The following ENOX2 variants were observed in gnomAD, a reference collection of about 807,000 sequenced individuals.
The protein encoded by ENOX2 is ecto-NOX disulfide-thiol exchanger 2.
In ENOX2, 36 loss-of-function variants were observed where a neutral mutation model predicts 45.0. The ratio of observed to expected loss-of-function variants is 0.80; its 90% CI spans 0.61 to 1.06. The LOEUF (loss-of-function observed/expected upper bound fraction) is 1.06. ENOX2 is among the 50% of genes least tolerant of loss of function. The pLI is 0.00. For missense variants in ENOX2, 423 were observed against 462.5 expected, an observed-to-expected ratio of 0.91 and a Z score of 0.78; for synonymous variants, 174 against 152.3, an observed-to-expected ratio of 1.14 and a Z score of -1.05.
At chrX:130,716,583 A>G (rs2038335795) in intron 3 of ENOX2, among the ~76,000 whole-genome samples, 1 of 111,902 alleles carries the variant, frequency 8.9e-6, no homozygotes, top group African/African-American at 3.3e-5. Flanking sequence ...CTTTCTAACA[A>G]GACAAAGGCA....
chrX:130,846,701 G>C (rs1160209621), intron 2 of ENOX2, among the ~76,000 whole-genome samples: 26 of 112,675 alleles, frequency 2.3e-4, no homozygotes, highest in Non-Finnish European at 5.6e-5. Context: ...TACAAATATG[G>C]AATTTATATG....
At chrX:130,728,384 C>T (rs1430966321) in intron 3 of ENOX2, among the ~76,000 whole-genome samples, 1 of 111,198 alleles carries the variant, frequency 9.0e-6, no homozygotes, top group Non-Finnish European at 1.9e-5. Context: ...AGAAGTTCCA[C>T]AGGGCAGAAT....
chrX:130,625,093 G>T lies in ENOX2; in HGVS notation c.*221C>A. On this transcript the variant is annotated 3_prime_UTR_variant, in exon 15 of 15. Coordinates refer to ENST00000394363, the MANE Select transcript of ENOX2 (RefSeq NM_006375.4). ...TAAAGACAACCAATTGACAGAAAGGGGAGGAAGTTACAGCACTTGTGGTTT... is the reference window on the plus strand; with the variant it reads ...TAAAGACAACCAATTGACAGAAAGGTGAGGAAGTTACAGCACTTGTGGTTT... The T allele has an allele frequency of 2.8e-6, 1 of 362,895 alleles. No individual in the cohort carries two copies. Among genetic ancestry groups the T allele is most frequent in the Non-Finnish European group, 4.8e-6 (1 of 208,980 alleles). 29.9% of individuals were successfully genotyped at this position (362,895 alleles called of 1,213,427 possible).
chrX:130,703,244 A>T lies in ENOX2; in HGVS notation c.-28T>A. On this transcript the variant is annotated 5_prime_UTR_variant, in exon 4 of 15. Transcript: ENST00000394363. ...CAGTGGAATCCACGTTCAGAGTTCTACTGTTATCGGCTGAAAAGAAATGAC... is the reference window on the plus strand; with the variant it reads ...CAGTGGAATCCACGTTCAGAGTTCTTCTGTTATCGGCTGAAAAGAAATGAC... 8.4e-7 allele frequency: 1 copy of T among 1,193,390 alleles called. No homozygotes were observed.
chrX:130,667,545 C>T lies in ENOX2; in HGVS notation c.892G>A (p.Gly298Arg). The T allele has an allele frequency of 2.5e-6, 3 of 1,209,674 alleles. No homozygotes were observed. Among genetic ancestry groups the T allele is most frequent in the Non-Finnish European group, 3.4e-6 (3 of 893,780 alleles). Residue 298 changes from glycine to arginine, a missense_variant, in exon 8 of 15, where the codon GGA becomes AGA. This residue lies in a region of ENOX2 where 261 missense variants were observed against 306.8 expected (regional missense o/e 0.85). Transcript: ENST00000394363. ...TTCCACTCACATTGAATGAGAATTC[C>T]AGAAAGGGCCTGCTTGAACTTCTCC... ...AKEKFKQALS[G>R]ILIQFEQIVA...
chrX:130,679,826 G>A, intron 5 of ENOX2, 78 bp from the exon 6 acceptor site: 1 of 792,178 alleles, frequency 1.3e-6, no homozygotes, highest in Non-Finnish European at 1.9e-6. Context: ...ACATTTCCCT[G>A]CTATCCCTGT....
intron 10 of ENOX2, among the ~76,000 whole-genome samples, chrX:130,653,960 G>A (rs5975216): frequency 0.013 from 1,404 of 111,919 alleles, 21 homozygotes; most frequent in African/African-American, 0.044. Flanking sequence ...AGATTCCTCA[G>A]CCCTATTACA....
At chrX:130,666,410 TG>T (rs1260256809) in intron 8 of ENOX2, among the ~76,000 whole-genome samples, 1 of 111,637 alleles carries the variant, frequency 9.0e-6, no homozygotes, top group African/African-American at 3.3e-5. Context: ...AACAGGGAAA[TG>T]TGTGCAGATG....
chrX:130,688,128 A>G (rs1449242516), intron 5 of ENOX2, among the ~76,000 whole-genome samples: 1 of 112,350 alleles, frequency 8.9e-6, no homozygotes, highest in Non-Finnish European at 1.9e-5. Context: ...CACATGCAGA[A>G]TCAGCTTCTA....
chrX:130,744,043 C>A (rs2039044399), intron 3 of ENOX2, among the ~76,000 whole-genome samples: 1 of 111,831 alleles, frequency 8.9e-6, no homozygotes, highest in African/African-American at 3.3e-5. Context: ...CACTATGGTC[C>A]ATTGTTGACA....
intron 9 of ENOX2, among the ~76,000 whole-genome samples, chrX:130,663,453 C>T (rs2036747631): frequency 9.3e-6 from 1 of 108,039 alleles, no homozygotes; most frequent in South Asian, 4.2e-4. Flanking sequence ...ATCACTTGAA[C>T]CCAGGAGGCG....
At chrX:130,768,075 A>G (rs772591868) in intron 3 of ENOX2, among the ~76,000 whole-genome samples, 3 of 112,030 alleles carry the variant, frequency 2.7e-5, no homozygotes, top group Non-Finnish European at 3.8e-5. Context: ...ACTAAGTGAC[A>G]GTGGAGGAGG....
chrX:130,650,456 G>A (rs1464528305), intron 10 of ENOX2, among the ~76,000 whole-genome samples: 3 of 112,060 alleles, frequency 2.7e-5, no homozygotes, highest in African/African-American at 9.7e-5. Flanking sequence ...AGGGGTTTTT[G>A]TCATTTTAAT....
chrX:130,800,305 TTTTA>T (rs1219712875), intron 2 of ENOX2, among the ~76,000 whole-genome samples: 2 of 109,556 alleles, frequency 1.8e-5, no homozygotes, highest in East Asian at 2.9e-4. Context: ...ATTTAATCTT[TTTTA>T]TTTATTAGTA....
chrX:130,671,985 C>T (rs1162129611), intron 6 of ENOX2, among the ~76,000 whole-genome samples: 2 of 111,366 alleles, frequency 1.8e-5, no homozygotes, highest in African/African-American at 6.5e-5. Context: ...TAAAAATCAG[C>T]CAATCCAAAC....
At chrX:130,657,117 T>C (rs936343968) in intron 9 of ENOX2, among the ~76,000 whole-genome samples, 2 of 112,113 alleles carry the variant, frequency 1.8e-5, no homozygotes, top group Admixed American at 1.9e-4. Flanking sequence ...ACATAACTCT[T>C]AATTGAGTTT....
chrX:130,680,261 C>T (rs1421046720), intron 5 of ENOX2, among the ~76,000 whole-genome samples: 1 of 111,872 alleles, frequency 8.9e-6, no homozygotes, highest in African/African-American at 3.2e-5. Context: ...ACAATGCCTA[C>T]AGCTGTCAGA....
intron 3 of ENOX2, among the ~76,000 whole-genome samples, chrX:130,752,550 C>G (rs1026061930): frequency 3.6e-5 from 4 of 110,699 alleles, no homozygotes; most frequent in Non-Finnish European, 7.6e-5. Context: ...CTCAGTGTCT[C>G]TCTCCGGTTC....
chrX:130,782,968 T>A (rs1162490354), intron 3 of ENOX2, among the ~76,000 whole-genome samples: 1 of 112,020 alleles, frequency 8.9e-6, no homozygotes, highest in Non-Finnish European at 1.9e-5. Flanking sequence ...AGAATCTGTT[T>A]GCCAACTGTT....
Sources: allele counts gnomAD v4.1 joint callset (sites outside exome capture counted in the v4.1 genomes callset), GRCh38; gene constraint gnomAD v4.1.1; regional missense constraint gnomAD v4.1.1; transcripts MANE v1.5; gene names NCBI Gene and HGNC (gene_info 2026-07-23, HGNC 2026-07-21).